Variants in CNTLN observed in about 807,000 individuals in gnomAD.
CNTLN encodes centlein, centrosomal protein.
A neutral mutation model predicts 180.0 loss-of-function variants in CNTLN; 212 were observed. The observed-to-expected ratio is 1.18, with a 90% CI of 1.05 to 1.32. CNTLN has a LOEUF of 1.32. CNTLN is among the 40% of genes most tolerant of loss of function. CNTLN has a pLI of 0.00. For missense variants in CNTLN, 2,095 were observed against 1,610.9 expected (o/e 1.30, Z -5.14); for synonymous variants, 722 against 563.1 (o/e 1.28, Z -3.99).
chr9:17,428,963 A>G (rs1316393872), intron 18 of CNTLN, among the ~76,000 whole-genome samples: 1 of 151,960 alleles, frequency 6.6e-6, no homozygotes, highest in African/African-American at 2.4e-5. Context: ...CATTCCTTGA[A>G]CGATTTGAGG....
chr9:17,210,525 C>T (rs138472067), intron 2 of CNTLN, among the ~76,000 whole-genome samples: 2,053 of 152,196 alleles, frequency 0.013, 47 homozygotes, highest in African/African-American at 0.046. Context: ...AGTGAACATA[C>T]GTGTGCATGT....
intron 5 of CNTLN, among the ~76,000 whole-genome samples, chr9:17,255,634 G>A (rs1362212799): frequency 2.0e-5 from 3 of 151,696 alleles, no homozygotes. Flanking sequence ...TTTTCTTCTA[G>A]TGTTGTTTTC....
At chr9:17,256,678 T>A (rs1223996910) in intron 5 of CNTLN, among the ~76,000 whole-genome samples, 1 of 151,804 alleles carries the variant, frequency 6.6e-6, no homozygotes, top group African/African-American at 2.4e-5. Context: ...GGGAGGTTGG[T>A]TTTATAGACA....
the CNTLN span, among the ~76,000 whole-genome samples, chr9:17,523,761 G>A: frequency 1.3e-5 from 2 of 152,262 alleles, no homozygotes; most frequent in South Asian, 2.1e-4. Flanking sequence ...AATATCTCAG[G>A]AAGTAGAATA....
At chr9:17,514,412 A>T in the CNTLN span, among the ~76,000 whole-genome samples, 2 of 152,192 alleles carry the variant, frequency 1.3e-5, no homozygotes, top group African/African-American at 4.8e-5. Flanking sequence ...GCAGGACCAG[A>T]TGACTTTATC....
At chr9:17,359,671 G>A (rs7864271) in intron 12 of CNTLN, among the ~76,000 whole-genome samples, 83,281 of 139,244 alleles carry the variant, frequency 0.6, 25,169 homozygotes, top group East Asian at 0.73. Context: ...CACGAGGTCC[G>A]GAGATCAAAA....
intron 5 of CNTLN, among the ~76,000 whole-genome samples, chr9:17,243,718 T>A (rs887875180): frequency 7.2e-5 from 11 of 152,232 alleles, no homozygotes; most frequent in Non-Finnish European, 8.8e-5. Context: ...ACACTTGTTT[T>A]ATGGTGAACA....
intron 2 of CNTLN, among the ~76,000 whole-genome samples, chr9:17,165,295 A>T (rs139299211): frequency 3.9e-5 from 6 of 152,292 alleles, no homozygotes; most frequent in African/African-American, 1.4e-4. Context: ...AAGCATAAGT[A>T]TTTATCTTTA....
At chr9:17,511,238 A>T in the CNTLN span, among the ~76,000 whole-genome samples, 211 of 152,332 alleles carry the variant, frequency 1.4e-3, 1 homozygote, top group Non-Finnish European at 1.9e-3. Flanking sequence ...TCAGACATAT[A>T]TAACTCTTCT....
intron 12 of CNTLN, among the ~76,000 whole-genome samples, chr9:17,353,435 G>A (rs1285095470): frequency 2.6e-5 from 4 of 151,668 alleles, no homozygotes. Context: ...CCAAAATTGT[G>A]GGTTTTGATT....
chr9:17,147,101 GTTTCTCCTTTGAATGTAAGGT>G (rs1207393147), intron 2 of CNTLN, among the ~76,000 whole-genome samples: 1 of 152,176 alleles, frequency 6.6e-6, no homozygotes, highest in East Asian at 1.9e-4. Flanking sequence ...TTACCAGAAG[GTTTCTCCTTTGAATGTAAGGT>G]TTGCCTATGG....
chr9:17,231,942 C>G (rs1020841868), intron 3 of CNTLN, among the ~76,000 whole-genome samples: 1 of 151,170 alleles, frequency 6.6e-6, no homozygotes, highest in Non-Finnish European at 1.5e-5. Context: ...ATTATTTGTT[C>G]CAGACATTCT....
At chr9:17,463,634 T>C (rs1167723398) in intron 20 of CNTLN, among the ~76,000 whole-genome samples, 1 of 151,618 alleles carries the variant, frequency 6.6e-6, no homozygotes, top group Non-Finnish European at 1.5e-5. Flanking sequence ...TGAAGAGCAC[T>C]TAAAAGTGAT....
At chr9:17,174,698 G>GAAAAAAAAAAAA (rs34784210) in intron 2 of CNTLN, among the ~76,000 whole-genome samples, 1 of 124,450 alleles carries the variant, frequency 8.0e-6, no homozygotes, top group African/African-American at 2.9e-5. Flanking sequence ...TCCGTCTCAG[G>GAAAAAAAAAAAA]AAAAAAAAAA....
At chr9:17,498,002 TA>T (rs1833548287) in intron 25 of CNTLN, among the ~76,000 whole-genome samples, 1 of 152,168 alleles carries the variant, frequency 6.6e-6, no homozygotes, top group Non-Finnish European at 1.5e-5. Context: ...AGAGCAGATA[TA>T]ATTCATAAAA....
intron 5 of CNTLN, among the ~76,000 whole-genome samples, chr9:17,266,840 A>G (rs556653310): frequency 6.6e-6 from 1 of 152,060 alleles, no homozygotes; most frequent in African/African-American, 2.4e-5. Context: ...AGTCTGTTTT[A>G]TCAGAGACTA....
intron 5 of CNTLN, among the ~76,000 whole-genome samples, chr9:17,260,580 G>A (rs1042666457): frequency 1.3e-5 from 2 of 151,302 alleles, no homozygotes; most frequent in African/African-American, 4.9e-5. Context: ...TTAGAACCCT[G>A]TTAGATGCAT....
At chr9:17,389,702 G>T (rs1235897295) in intron 14 of CNTLN, among the ~76,000 whole-genome samples, 1 of 148,468 alleles carries the variant, frequency 6.7e-6, no homozygotes, top group Non-Finnish European at 1.5e-5. Context: ...ATAGTAATAA[G>T]ATGAAAACAA....
chr9:17,434,756 T>C (rs946265187), intron 18 of CNTLN, among the ~76,000 whole-genome samples: 8 of 152,164 alleles, frequency 5.3e-5, no homozygotes, highest in Admixed American at 3.9e-4. Context: ...TATGTACTTT[T>C]TTTTAAGTAT....
Sources: allele counts gnomAD v4.1 joint callset (sites outside exome capture counted in the v4.1 genomes callset), GRCh38; gene constraint gnomAD v4.1.1; transcripts MANE v1.5; gene names NCBI Gene and HGNC (gene_info 2026-07-23, HGNC 2026-07-21).